The following ZNF599 variants were observed in gnomAD, a reference collection of about 807,000 sequenced individuals.
The protein encoded by ZNF599 is zinc finger protein 599.
ZNF599 carries 10 observed loss-of-function variants against 11.7 expected under a neutral mutation model. The observed-to-expected ratio is 0.86, with a 90% CI of 0.53 to 1.45. ZNF599 has a LOEUF of 1.45. ZNF599 is among the 40% of genes most tolerant of loss of function. The probability of loss-of-function intolerance (pLI) is 0.00; values close to 1 mark genes in which losing one functional copy is unlikely to be tolerated. For synonymous variants in ZNF599, 232 were observed against 253.2 expected (o/e 0.92, Z 0.79); for missense variants, 688 against 713.6 (o/e 0.96, Z 0.41).
chr19:34,795,386 T>G, the ZNF599 span, among the ~76,000 whole-genome samples: 1 of 152,152 alleles, frequency 6.6e-6, no homozygotes. Flanking sequence ...GCAACCCTCC[T>G]GCCTCAGCCT....
At chr19:34,786,098 G>T in the ZNF599 span, among the ~76,000 whole-genome samples, 2 of 152,100 alleles carry the variant, frequency 1.3e-5, no homozygotes, top group Admixed American at 6.5e-5. Flanking sequence ...GTCCTTCCCT[G>T]CTCAGTGCTG....
the ZNF599 span, among the ~76,000 whole-genome samples, chr19:34,787,812 A>G: frequency 1.3e-5 from 2 of 152,184 alleles, no homozygotes; most frequent in Non-Finnish European, 2.9e-5. Context: ...GGAAAGCCAC[A>G]TATCCAGGAA....
chr19:34,759,781 C>T lies in ZNF599; in HGVS notation c.1020G>A (p.Glu340=), dbSNP rs1171257288. ...TGAAGGCCTTTCCACATTCACCGCACTCATAGAGTTTCTTTCCAGTATGAA... is the reference window on the plus strand; with the variant it reads ...TGAAGGCCTTTCCACATTCACCGCATTCATAGAGTTTCTTTCCAGTATGAA... ...MRIHTGKKLY[E]CGECGKAFTH... Residue 340 remains glutamate, a synonymous_variant, in exon 4 of 4, where the codon GAG becomes GAA. Coordinates refer to ENST00000329285, the MANE Select transcript of ZNF599 (RefSeq NM_001007248.3). 2 of 1,614,124 alleles carry T rather than the reference C, an allele frequency of 1.2e-6. No individual in the cohort carries two copies. Among genetic ancestry groups the T allele is most frequent in the Non-Finnish European group, 1.7e-6 (2 of 1,180,012 alleles).
intron 2 of ZNF599, 152 bp downstream of exon 2, chr19:34,769,277 G>A: frequency 3.3e-6 from 3 of 918,656 alleles, no homozygotes; most frequent in Non-Finnish European, 4.9e-6. Flanking sequence ...GAGACACAGG[G>A]AAACCCAGCA....
intron 3 of ZNF599, chr19:34,764,332 G>A (rs2069129657): frequency 6.6e-6 from 1 of 152,212 alleles, no homozygotes; most frequent in Admixed American, 6.5e-5. Flanking sequence ...GTGGCTAGTG[G>A]AAATGTGAAA....
the ZNF599 span, among the ~76,000 whole-genome samples, chr19:34,786,032 T>C: frequency 6.6e-6 from 1 of 152,042 alleles, no homozygotes; most frequent in Non-Finnish European, 1.5e-5. Context: ...GAACCCCCAT[T>C]TCAGGAGGAT....
At chr19:34,769,017 G>A (rs903736816) in intron 2 of ZNF599, among the ~76,000 whole-genome samples, 1 of 152,172 alleles carries the variant, frequency 6.6e-6, no homozygotes, top group African/African-American at 2.4e-5. Context: ...CTGTGTTGCT[G>A]AAAAAGATAT....
At chr19:34,762,520 T>C (rs1372778115) in intron 3 of ZNF599, among the ~76,000 whole-genome samples, 1 of 152,140 alleles carries the variant, frequency 6.6e-6, no homozygotes, top group Non-Finnish European at 1.5e-5. Flanking sequence ...TAGATGTGCC[T>C]GAGGACACAT....
intron 3 of ZNF599, chr19:34,764,457 A>G (rs2069130319): frequency 1.3e-5 from 2 of 152,256 alleles, no homozygotes; most frequent in Admixed American, 1.3e-4. Context: ...TTTATATCCA[A>G]CAAAAAATAC....
the ZNF599 span, among the ~76,000 whole-genome samples, chr19:34,778,635 TTAA>T: frequency 2.0e-5 from 3 of 152,208 alleles, no homozygotes; most frequent in Non-Finnish European, 4.4e-5. Flanking sequence ...GGAGAATATG[TTAA>T]TAATGCAGAT....
At chr19:34,797,297 A>G in the ZNF599 span, among the ~76,000 whole-genome samples, 130 of 152,338 alleles carry the variant, frequency 8.5e-4, no homozygotes, top group African/African-American at 3.0e-3. Flanking sequence ...TCTTTACAGC[A>G]ACATGATTTA....
chr19:34,804,868 A>C, the ZNF599 span, among the ~76,000 whole-genome samples: 1 of 152,110 alleles, frequency 6.6e-6, no homozygotes, highest in East Asian at 1.9e-4. Context: ...AATAACTCAC[A>C]ATCTTCCTGT....
At chr19:34,767,629 A>G (rs1489361811) in intron 2 of ZNF599, among the ~76,000 whole-genome samples, 1 of 152,226 alleles carries the variant, frequency 6.6e-6, no homozygotes, top group Non-Finnish European at 1.5e-5. Context: ...CAAAAACAGA[A>G]CAAATTAAAC....
intron 3 of ZNF599, chr19:34,765,282 T>C (rs2069135614): frequency 2.8e-6 from 1 of 362,452 alleles, no homozygotes; most frequent in Non-Finnish European, 5.1e-6. Flanking sequence ...GTATAGAATA[T>C]GGCAAAGATG....
chr19:34,791,554 G>A, the ZNF599 span, among the ~76,000 whole-genome samples: 3 of 152,190 alleles, frequency 2.0e-5, no homozygotes, highest in East Asian at 5.8e-4. Flanking sequence ...ATGAAATCAT[G>A]CAACATCTCA....
the ZNF599 span, among the ~76,000 whole-genome samples, chr19:34,794,354 T>A: frequency 5.9e-5 from 9 of 152,056 alleles, no homozygotes; most frequent in Non-Finnish European, 1.2e-4. Context: ...GGTGGGAGTT[T>A]CTTTTAGTAT....
chr19:34,800,899 T>C, the ZNF599 span, among the ~76,000 whole-genome samples: 8 of 152,208 alleles, frequency 5.3e-5, no homozygotes, highest in African/African-American at 1.9e-4. Context: ...GCCTGGCTTC[T>C]AGCATTTCCT....
In ZNF599 at chr19:34,759,104, T is replaced by C. The variant is rs199694411; in HGVS notation, c.1697A>G (p.Asn566Ser). 9 of 1,614,192 alleles carry C rather than the reference T, an allele frequency of 5.6e-6. No homozygotes were observed. The Admixed American group carries it at 1.0e-4, about 18-fold the overall frequency. Residue 566 changes from asparagine (N) to serine (S), a missense_variant, in exon 4 of 4, where the codon AAT (asparagine) becomes AGT (serine). Transcript: ENST00000329285. Reference protein sequence around the residue: ...THTGEKPFECNECGKTFSHSS... With the variant: ...THTGEKPFECSECGKTFSHSS... ...GTGGCTGAAGGTCTTTCCACATTCA[T>C]TGCATTCAAAGGGTTTCTCTCCAGT...
At chr19:34,805,196 C>A in the ZNF599 span, among the ~76,000 whole-genome samples, 1,460 of 132,966 alleles carry the variant, frequency 0.011, 20 homozygotes, top group African/African-American at 0.037. Flanking sequence ...CTAAGTGCTA[C>A]CTTTTTTTTT....
Sources: gnomAD v4.1 joint callset for allele counts (sites outside exome capture counted in the v4.1 genomes callset) on GRCh38, gnomAD v4.1.1 for gene constraint, MANE v1.5 for transcripts, NCBI Gene and HGNC (gene_info 2026-07-23, HGNC 2026-07-21) for gene names.